The following OLA1 variants were observed in gnomAD, a reference collection of about 807,000 sequenced individuals.
OLA1 encodes the protein Obg like ATPase 1.
A neutral mutation model predicts 48.4 loss-of-function variants in OLA1; 14 were observed. The ratio of observed to expected loss-of-function variants is 0.29; its 90% CI spans 0.19 to 0.45. The LOEUF (loss-of-function observed/expected upper bound fraction) is 0.45, where lower values mean the gene tolerates loss of function less well. OLA1 is among the 20% of genes least tolerant of loss of function. OLA1 has a pLI of 1.00. For synonymous variants in OLA1, 127 were observed against 150.4 expected, an observed-to-expected ratio of 0.84 and a Z score of 1.14; for missense variants, 325 against 467.1, an observed-to-expected ratio of 0.70 and a Z score of 2.80.
At chr2:174,187,926 T>C (rs1273499800) in intron 4 of OLA1, among the ~76,000 whole-genome samples, 1 of 152,166 alleles carries the variant, frequency 6.6e-6, no homozygotes, top group Admixed American at 6.5e-5. Flanking sequence ...TGTGAAGGAT[T>C]CTGTATGTCC....
intron 4 of OLA1, among the ~76,000 whole-genome samples, chr2:174,157,671 C>A (rs1198433482): frequency 1.3e-5 from 2 of 152,076 alleles, no homozygotes; most frequent in Non-Finnish European, 2.9e-5. Context: ...AACCTTTATT[C>A]ATAATGTCAA....
intron 5 of OLA1, among the ~76,000 whole-genome samples, chr2:174,131,466 G>A (rs1038057788): frequency 6.6e-6 from 1 of 152,182 alleles, no homozygotes; most frequent in East Asian, 1.9e-4. Context: ...TTTCTCTTGA[G>A]TATATACCTA....
chr2:174,228,695 C>T (rs1688664936), intron 3 of OLA1, among the ~76,000 whole-genome samples: 1 of 152,014 alleles, frequency 6.6e-6, no homozygotes, highest in African/African-American at 2.4e-5. Flanking sequence ...TTCTACTACC[C>T]AGAGATAATC....
chr2:174,115,828 C>T (rs1446912998), intron 7 of OLA1, among the ~76,000 whole-genome samples: 3 of 152,140 alleles, frequency 2.0e-5, no homozygotes, highest in Non-Finnish European at 2.9e-5. Context: ...TCTTACTCTG[C>T]TTTGTTTTTA....
At chr2:174,191,410 C>T (rs780759714) in intron 4 of OLA1, among the ~76,000 whole-genome samples, 29 of 151,902 alleles carry the variant, frequency 1.9e-4, no homozygotes, top group Non-Finnish European at 3.8e-4. Flanking sequence ...CACATTCACC[C>T]AAGTCAATTT....
At chr2:174,078,523 T>C (rs953814480) in intron 10 of OLA1, among the ~76,000 whole-genome samples, 1 of 151,954 alleles carries the variant, frequency 6.6e-6, no homozygotes, top group African/African-American at 2.4e-5. Context: ...CAAGTATCTT[T>C]AAACAACAAA....
At chr2:174,098,275 G>C (rs1224233242) in intron 7 of OLA1, among the ~76,000 whole-genome samples, 1 of 152,104 alleles carries the variant, frequency 6.6e-6, no homozygotes, top group South Asian at 2.1e-4. Flanking sequence ...TGCAACCTGT[G>C]GCAAAACTTT....
chr2:174,148,158 G>A (rs764035549), intron 4 of OLA1, among the ~76,000 whole-genome samples: 30 of 152,312 alleles, frequency 2.0e-4, no homozygotes, highest in African/African-American at 4.1e-4. Flanking sequence ...AGGCCGAGGC[G>A]GGCAGATAAC....
intron 4 of OLA1, among the ~76,000 whole-genome samples, chr2:174,190,193 G>A (rs1216943563): frequency 6.6e-6 from 1 of 152,138 alleles, no homozygotes; most frequent in Non-Finnish European, 1.5e-5. Context: ...TGGGCGTGAG[G>A]AGGGACATGG....
intron 10 of OLA1, among the ~76,000 whole-genome samples, chr2:174,075,927 A>G (rs1038499564): frequency 1.2e-4 from 19 of 152,322 alleles, no homozygotes; most frequent in African/African-American, 4.3e-4. Context: ...AAGCTGCTTT[A>G]TTTGCTTAAA....
At chr2:174,193,495 C>T (rs1457242965) in intron 4 of OLA1, among the ~76,000 whole-genome samples, 6 of 152,070 alleles carry the variant, frequency 3.9e-5, no homozygotes, top group Non-Finnish European at 7.4e-5. Context: ...GAAGCTGATC[C>T]TCTTGTGTGC....
chr2:174,096,645 T>G (rs1210472479), intron 7 of OLA1, among the ~76,000 whole-genome samples: 1 of 152,178 alleles, frequency 6.6e-6, no homozygotes, highest in African/African-American at 2.4e-5. Context: ...GGAAGCCATT[T>G]AAGCCTCCCC....
At chr2:174,223,235 A>T in intron 3 of OLA1, 75 bp from the exon 4 acceptor site, 1 of 1,366,080 alleles carries the variant, frequency 7.3e-7, no homozygotes, top group South Asian at 1.2e-5. Context: ...TTCTCCAAAC[A>T]TTTCACATAA....
intron 4 of OLA1, among the ~76,000 whole-genome samples, chr2:174,143,313 T>C (rs1032367182): frequency 5.3e-5 from 8 of 152,148 alleles, no homozygotes; most frequent in African/African-American, 1.4e-4. Flanking sequence ...ACAAACACAA[T>C]AGACAGTGGT....
At chr2:174,243,876 T>C (rs989674642) in intron 2 of OLA1, among the ~76,000 whole-genome samples, 4 of 152,202 alleles carry the variant, frequency 2.6e-5, no homozygotes, top group Non-Finnish European at 5.9e-5. Flanking sequence ...GGTTTTGTAC[T>C]GAATGTCCTT....
rs1684664923 is a variant in OLA1 at position 174,073,878 on chromosome 2, TTTA to T, written c.*1545_*1547del. 1 of 152,224 alleles carries T rather than the reference TTTA, an allele frequency of 6.6e-6. No homozygotes were observed. The highest frequency in any genetic ancestry group is 1.5e-5 in the Non-Finnish European group (1 of 68,030). The allele number at this position is 152,224 out of a possible 1,614,324, so 9.4% of individuals were successfully genotyped here. A position where few individuals can be genotyped will look rare whatever the true frequency, so the allele number is the denominator to read the frequency against. ...ATACCTGTAGCCTAGTTTTATTTGTTTTATTTAGTTCTTTTAAAAAACCCTTCA... is the reference window on the plus strand; with the variant it reads ...ATACCTGTAGCCTAGTTTTATTTGTTTTTAGTTCTTTTAAAAAACCCTTCA... On this transcript the variant is annotated 3_prime_UTR_variant, in exon 11 of 11. Coordinates refer to ENST00000284719, the MANE Select transcript of OLA1 (RefSeq NM_013341.5).
intron 5 of OLA1, among the ~76,000 whole-genome samples, chr2:174,127,608 C>T (rs751641001): frequency 1.3e-5 from 2 of 151,984 alleles, no homozygotes; most frequent in African/African-American, 2.4e-5. Flanking sequence ...CATAAAGTTC[C>T]GTTTATGTGC....
At chr2:174,235,061 C>A (rs1866641) in intron 2 of OLA1, among the ~76,000 whole-genome samples, 93,748 of 151,826 alleles carry the variant, frequency 0.62, 29,515 homozygotes, top group Middle Eastern at 0.73. Flanking sequence ...TGGGAGGCTG[C>A]GGTAGGAGAA....
At chr2:174,143,095 TA>T (rs1208504124) in intron 4 of OLA1, among the ~76,000 whole-genome samples, 5 of 152,204 alleles carry the variant, frequency 3.3e-5, no homozygotes, top group South Asian at 2.1e-4. Flanking sequence ...AAATTGTTTT[TA>T]AATATAATTT....
Sources: allele counts gnomAD v4.1 joint callset (sites outside exome capture counted in the v4.1 genomes callset), GRCh38; gene constraint gnomAD v4.1.1; transcripts MANE v1.5; gene names NCBI Gene and HGNC (gene_info 2026-07-23, HGNC 2026-07-21).